The following RGS22 variants were observed in gnomAD, a reference collection of about 807,000 sequenced individuals.
RGS22 encodes the protein regulator of G-protein signaling 22.
In RGS22, 148 loss-of-function variants were observed where a neutral mutation model predicts 172.9. The observed-to-expected ratio is 0.86, with a 90% CI of 0.75 to 0.98. The LOEUF is 0.98. Among genes scored for constraint, RGS22 ranks in the 50% least tolerant of loss-of-function variants. RGS22 has a pLI of 0.00. For missense variants in RGS22, 1,347 were observed against 1,440.8 expected (o/e 0.93, Z 1.05); for synonymous variants, 458 against 480.2 (o/e 0.95, Z 0.60).
intron 14 of RGS22, among the ~76,000 whole-genome samples, chr8:100,034,134 G>A (rs2040074658): frequency 6.6e-6 from 1 of 152,174 alleles, no homozygotes; most frequent in African/African-American, 2.4e-5. Context: ...GCAAGAGAAA[G>A]AAATAAAGGG....
chr8:100,035,771 T>C (rs916250323), intron 14 of RGS22, among the ~76,000 whole-genome samples: 1 of 152,156 alleles, frequency 6.6e-6, no homozygotes, highest in Admixed American at 6.5e-5. Flanking sequence ...TGGAATACTA[T>C]GCAGCCATAA....
In RGS22 at chr8:100,047,525, T is replaced by C; in HGVS notation, c.1761A>G (p.Gln587=). Residue 587 remains glutamine (Q), a synonymous_variant, in exon 11 of 28, where the codon CAA becomes CAG. Coordinates refer to ENST00000360863, the MANE Select transcript of RGS22 (RefSeq NM_015668.5). ...NKSPEVKTAT[Q]KPWKRELLYP... is the part of the protein sequence containing the mutation. The stretch of plus-strand genomic sequence containing the variant: ...ACAAAAGCTCCCGCTTCCAAGGCTT[T>C]TGAGTTGCTGTTTTTACTTCAGGTG... 6.2e-7 allele frequency: 1 copy of C among 1,613,358 alleles called. No individual in the cohort carries two copies. Among genetic ancestry groups the C allele is most frequent in the Non-Finnish European group, 8.5e-7 (1 of 1,179,680 alleles).
intron 11 of RGS22, 99 bp from the exon 12 acceptor site, chr8:100,042,015 A>G: frequency 1.5e-6 from 1 of 662,420 alleles, no homozygotes; most frequent in African/African-American, 1.8e-5. Context: ...CCGAATCTCA[A>G]GAGTACTTCT....
chr8:100,065,524 G>A (rs544205791), intron 7 of RGS22, among the ~76,000 whole-genome samples: 1 of 152,222 alleles, frequency 6.6e-6, no homozygotes, highest in Non-Finnish European at 1.5e-5. Context: ...AGAACTGTAA[G>A]TGAATTCCTG....
chr8:100,041,544 T>C (rs1387124823), intron 12 of RGS22, among the ~76,000 whole-genome samples: 1 of 152,056 alleles, frequency 6.6e-6, no homozygotes, highest in Non-Finnish European at 1.5e-5. Context: ...ACTATTTTTC[T>C]TTCAAGTGTC....
chr8:100,038,153 G>T (rs1428648367), intron 14 of RGS22, among the ~76,000 whole-genome samples: 1 of 152,164 alleles, frequency 6.6e-6, no homozygotes, highest in Non-Finnish European at 1.5e-5. Flanking sequence ...AACAGATATA[G>T]AAGTGATTAG....
At chr8:100,087,854 G>A (rs1358135473) in intron 3 of RGS22, among the ~76,000 whole-genome samples, 1 of 152,100 alleles carries the variant, frequency 6.6e-6, no homozygotes, top group Non-Finnish European at 1.5e-5. Flanking sequence ...GGGATGGAAT[G>A]AATAATGTGC....
rs781488776 is a variant in RGS22 at position 100,039,032 on chromosome 8, A to G, written c.2065T>C (p.Leu689=). The G allele has an allele frequency of 6.4e-7, 1 of 1,566,422 alleles. No homozygotes were observed. Among genetic ancestry groups the G allele is most frequent in the South Asian group, 1.2e-5 (1 of 86,788 alleles). The change falls in exon 14 of 28, where the codon TTG becomes CTG. Residue 689 remains leucine, a splice_region_variant and synonymous_variant. Coordinates refer to ENST00000360863, the MANE Select transcript of RGS22 (RefSeq NM_015668.5). Reference sequence around the variant, plus strand: ...CAAAAGTACACACTGTTCTTCCACAACTACAGATGGAAAAAGTACATAAAT... The same window carrying G: ...CAAAAGTACACACTGTTCTTCCACAGCTACAGATGGAAAAAGTACATAAAT... The part of the protein sequence containing the change: ...TKFCEHSGNK[L]WKNSVYFWFD...
intron 14 of RGS22, among the ~76,000 whole-genome samples, chr8:100,035,091 G>A (rs1819293955): frequency 6.6e-6 from 1 of 152,120 alleles, no homozygotes; most frequent in South Asian, 2.1e-4. Context: ...GGCAACAAAA[G>A]CCAAAATTGA....
intron 14 of RGS22, among the ~76,000 whole-genome samples, chr8:100,018,862 A>G (rs1008096054): frequency 6.6e-6 from 1 of 152,224 alleles, no homozygotes; most frequent in African/African-American, 2.4e-5. Context: ...CAAATGTATC[A>G]TAATGCATGC....
intron 2 of RGS22, among the ~76,000 whole-genome samples, chr8:100,100,349 G>A (rs1399815488): frequency 6.7e-6 from 1 of 149,404 alleles, no homozygotes; most frequent in East Asian, 2.0e-4. Context: ...GAGTGCAATG[G>A]CATGATCTGG....
chr8:100,023,731 G>A (rs1817863720), intron 14 of RGS22, among the ~76,000 whole-genome samples: 1 of 152,134 alleles, frequency 6.6e-6, no homozygotes, highest in South Asian at 2.1e-4. Flanking sequence ...ACTGTGCCTG[G>A]CCTGGAAAAT....
intron 11 of RGS22, 109 bp downstream of exon 11, chr8:100,047,354 C>A: frequency 4.2e-6 from 4 of 949,332 alleles, no homozygotes; most frequent in Non-Finnish European, 6.1e-6. Context: ...AATTAAGAAC[C>A]CATGTAAAAA....
At chr8:100,039,640 T>G (rs569448172) in intron 13 of RGS22, among the ~76,000 whole-genome samples, 2 of 152,034 alleles carry the variant, frequency 1.3e-5, no homozygotes, top group South Asian at 2.1e-4. Flanking sequence ...CCTCCCGAAG[T>G]GCTGGGATTA....
chr8:100,071,344 CA>C (rs1211117908), intron 6 of RGS22, 24 bp downstream of exon 6: 3 of 1,566,910 alleles, frequency 1.9e-6, no homozygotes, highest in Non-Finnish European at 2.6e-6. Context: ...AGCGCTAAGT[CA>C]TGAAAAAATG....
intron 9 of RGS22, among the ~76,000 whole-genome samples, chr8:100,055,131 T>C (rs1395648903): frequency 6.6e-6 from 1 of 152,164 alleles, no homozygotes; most frequent in Non-Finnish European, 1.5e-5. Flanking sequence ...CACCTGCTAA[T>C]TGTAGAGCCC....
intron 4 of RGS22, among the ~76,000 whole-genome samples, chr8:100,076,978 G>A (rs1288106296): frequency 1.3e-5 from 2 of 152,042 alleles, no homozygotes; most frequent in East Asian, 3.9e-4. Flanking sequence ...GGGCATCAGA[G>A]CGAGACCCTG....
Position 100,077,165 on chromosome 8 carries a change from G to A in RGS22, c.339+2969C>T, listed in dbSNP as rs144067901. On this transcript the variant is annotated intron_variant, in intron 4 of 27. Transcript: ENST00000360863. ...CTTTCTCTTTTTCTTCATCATTCTG[G>A]CTAAAAGGTTATCAATTTCATTGAT... Among the ~76,000 whole-genome samples, 367 of 151,736 alleles carry A rather than the reference G, an allele frequency of 2.4e-3. 2 individuals are homozygous for A. The highest frequency in any genetic ancestry group is 8.6e-3 in the African/African-American group (355 of 41,388).
Position 100,008,409 on chromosome 8 carries a change from T to C in RGS22, c.2327A>G (p.Lys776Arg), listed in dbSNP as rs971374169. 1.4e-5 allele frequency: 22 copies of C among 1,611,552 alleles called. No individual in the cohort carries two copies. In the African/African-American group the frequency reaches 2.8e-4, roughly 21 times the overall value. The stretch of plus-strand genomic sequence containing the variant: ...AGCAATTTGGTCCGATTTTACCATC[T>C]TTGTCCATGGCTCAAGAAGGAGGAG... ...ILLLLLEPWT[K>R]MVKSDQIAYK... The change falls in exon 15 of 28, where the codon AAG becomes AGG. Residue 776 changes from lysine (K) to arginine (R), a missense_variant. Transcript: ENST00000360863.
Sources: allele counts gnomAD v4.1 joint callset (sites outside exome capture counted in the v4.1 genomes callset), GRCh38; gene constraint gnomAD v4.1.1; transcripts MANE v1.5; gene names NCBI Gene and HGNC (gene_info 2026-07-23, HGNC 2026-07-21).